Variants in PTPRG observed in about 807,000 individuals in gnomAD.
The protein encoded by PTPRG is protein tyrosine phosphatase receptor type G, also known as receptor-type tyrosine-protein phosphatase gamma.
In PTPRG, 102 loss-of-function variants were observed where a neutral mutation model predicts 165.3. The observed-to-expected ratio is 0.62, with a 90% CI of 0.53 to 0.73. The LOEUF is 0.73. Among genes scored for constraint, PTPRG ranks in the 30% least tolerant of loss-of-function variants. PTPRG has a pLI of 0.00. For synonymous variants in PTPRG, 675 were observed against 669.5 expected, an observed-to-expected ratio of 1.01 and a Z score of -0.13; for missense variants, 1,866 against 1,861.4, an observed-to-expected ratio of 1.00 and a Z score of -0.05.
chr3:61,816,908 G>A (rs2035779057), intron 2 of PTPRG, among the ~76,000 whole-genome samples: 1 of 147,632 alleles, frequency 6.8e-6, no homozygotes, highest in Admixed American at 7.0e-5. Flanking sequence ...ATAATTTACT[G>A]GTAAAATGAA....
chr3:61,897,711 G>A (rs1454039360), intron 2 of PTPRG, among the ~76,000 whole-genome samples: 2 of 152,134 alleles, frequency 1.3e-5, no homozygotes, highest in South Asian at 2.1e-4. Flanking sequence ...GGAACACACT[G>A]TATCTCTCCA....
At chr3:61,608,695 T>C (rs940248304) in intron 1 of PTPRG, among the ~76,000 whole-genome samples, 2 of 152,200 alleles carry the variant, frequency 1.3e-5, no homozygotes, top group Non-Finnish European at 2.9e-5. Flanking sequence ...AAATGTTTTA[T>C]TGTTTAAGGC....
At chr3:61,744,672 T>A (rs988502117) in intron 1 of PTPRG, among the ~76,000 whole-genome samples, 1 of 152,178 alleles carries the variant, frequency 6.6e-6, no homozygotes, top group East Asian at 1.9e-4. Context: ...AGGTCACACA[T>A]TACTGACAGA....
At chr3:61,650,631 C>T (rs1259189368) in intron 1 of PTPRG, among the ~76,000 whole-genome samples, 1 of 152,152 alleles carries the variant, frequency 6.6e-6, no homozygotes, top group East Asian at 1.9e-4. Context: ...GTGCTCTTTT[C>T]CATGGAATAA....
intron 10 of PTPRG, among the ~76,000 whole-genome samples, chr3:62,196,052 C>T (rs148996580): frequency 0.01 from 1,546 of 151,778 alleles, 22 homozygotes; most frequent in African/African-American, 0.035. Context: ...CCTCCCAAAG[C>T]TCTGAGATTA....
rs1169177844 is a variant in PTPRG at position 61,738,279 on chromosome 3, CATATATATATATATATAT to C, written c.86-10583_86-10566del. ...ATTTTTATATATATATATATATATA[CATATATATATATATATAT>C]ATATATATATATATACATATATATA... On this transcript the variant is annotated intron_variant, in intron 1 of 29. Transcript: ENST00000474889. Among the ~76,000 whole-genome samples the C allele has an allele frequency of 3.2e-4, 5 of 15,484 alleles. No individual in the cohort carries two copies. In the South Asian group the frequency reaches 9.9e-3, roughly 31 times the overall value. 10.2% of individuals were successfully genotyped at this position (15,484 alleles called of 152,430 possible).
intron 1 of PTPRG, among the ~76,000 whole-genome samples, chr3:61,594,544 A>C (rs934437619): frequency 6.6e-6 from 1 of 152,128 alleles, no homozygotes; most frequent in Non-Finnish European, 1.5e-5. Flanking sequence ...CCCCATCTGC[A>C]TACCACCTCC....
At chr3:61,771,910 A>G (rs747482847) in intron 2 of PTPRG, among the ~76,000 whole-genome samples, 3 of 151,860 alleles carry the variant, frequency 2.0e-5, no homozygotes, top group African/African-American at 4.8e-5. Flanking sequence ...AAATACAAAA[A>G]TTAACCAGGC....
chr3:61,986,116 AATC>A (rs752576088), intron 2 of PTPRG, among the ~76,000 whole-genome samples: 14 of 150,126 alleles, frequency 9.3e-5, no homozygotes, highest in Admixed American at 2.0e-4. Flanking sequence ...TTAATACGAC[AATC>A]ATCATATTTA....
intron 1 of PTPRG, among the ~76,000 whole-genome samples, chr3:61,720,279 A>T (rs2031993275): frequency 6.6e-6 from 1 of 151,928 alleles, no homozygotes; most frequent in Non-Finnish European, 1.5e-5. Flanking sequence ...ATGCACCACC[A>T]CGTCCAGCTA....
At chr3:61,953,399 A>G (rs532010809) in intron 2 of PTPRG, among the ~76,000 whole-genome samples, 4 of 152,308 alleles carry the variant, frequency 2.6e-5, no homozygotes, top group East Asian at 1.9e-4. Flanking sequence ...CAATTTCGCC[A>G]TTATTGACTT....
chr3:62,208,234 G>T (rs1441618022), intron 12 of PTPRG, among the ~76,000 whole-genome samples: 2 of 152,048 alleles, frequency 1.3e-5, no homozygotes, highest in Non-Finnish European at 2.9e-5. Context: ...CCCTCAGCTG[G>T]ATGTCTGCTA....
Position 62,284,734 on chromosome 3 carries a change from G to A in PTPRG, c.4055+1865G>A, listed in dbSNP as rs1006848087. On this transcript the variant is annotated intron_variant, in intron 28 of 29. Coordinates refer to ENST00000474889, the MANE Select transcript of PTPRG (RefSeq NM_002841.4). ...CTGCCTGCCCCTAATCAACTTAACT[G>A]TACAGACCAGAAACATATCAGAGTT... Among the ~76,000 whole-genome samples, 57 of 152,022 alleles carry A rather than the reference G, an allele frequency of 3.7e-4. 1 individual carries two copies. Among genetic ancestry groups the A allele is most frequent in the Middle Eastern group, 6.3e-3 (2 of 316 alleles).
intron 1 of PTPRG, among the ~76,000 whole-genome samples, chr3:61,745,052 T>C (rs1323711855): frequency 7.6e-5 from 1 of 13,132 alleles, no homozygotes; most frequent in Non-Finnish European, 2.9e-4. Context: ...ATTCCCTCAC[T>C]TTTTTTTTTT....
At chr3:62,140,107 C>G (rs373437468) in intron 6 of PTPRG, among the ~76,000 whole-genome samples, 1 of 152,174 alleles carries the variant, frequency 6.6e-6, no homozygotes, top group South Asian at 2.1e-4. Context: ...TGTTGCATCA[C>G]CAGCCACACA....
intron 14 of PTPRG, among the ~76,000 whole-genome samples, chr3:62,236,722 C>T (rs1217834427): frequency 6.6e-6 from 1 of 152,044 alleles, no homozygotes; most frequent in Non-Finnish European, 1.5e-5. Flanking sequence ...TCCTATATAC[C>T]AACAATCAGT....
Position 62,294,541 on chromosome 3 carries a change from C to CAGAT in PTPRG, c.*1236_*1239dup, listed in dbSNP as rs1429211128. On this transcript the variant is annotated 3_prime_UTR_variant, in exon 30 of 30. Transcript: ENST00000474889. The stretch of plus-strand genomic sequence containing the variant: ...TTGTATGCTTTTGTGTAGTTTAGAA[C>CAGAT]AGATACACATTAGTAAAAGATACCA... 6.6e-6 allele frequency: 1 copy of CAGAT among 151,872 alleles called. No homozygotes were observed. The allele number at this position is 151,872 out of a possible 1,614,324, so 9.4% of individuals were successfully genotyped here.
At chr3:62,025,086 C>G (rs2041776648) in intron 4 of PTPRG, among the ~76,000 whole-genome samples, 1 of 152,072 alleles carries the variant, frequency 6.6e-6, no homozygotes, top group South Asian at 2.1e-4. Flanking sequence ...GGGAGCTGGT[C>G]CAGTTTTCGT....
intron 1 of PTPRG, among the ~76,000 whole-genome samples, chr3:61,691,834 G>A (rs1012484378): frequency 6.6e-6 from 1 of 152,084 alleles, no homozygotes; most frequent in Non-Finnish European, 1.5e-5. Flanking sequence ...GCTTTCCTAA[G>A]GTCTGAGAGG....
Sources: gnomAD v4.1 joint callset for allele counts (sites outside exome capture counted in the v4.1 genomes callset) on GRCh38, gnomAD v4.1.1 for gene constraint, MANE v1.5 for transcripts, NCBI Gene and HGNC (gene_info 2026-07-23, HGNC 2026-07-21) for gene names.